The following CD33 variants were observed in gnomAD, a reference collection of about 807,000 sequenced individuals.
The protein encoded by CD33 is CD33 molecule, also known as myeloid cell surface antigen CD33.
CD33 carries 25 observed loss-of-function variants against 31.4 expected under a neutral mutation model. The ratio of observed to expected loss-of-function variants is 0.80; its 90% CI spans 0.58 to 1.11. The LOEUF is 1.11. Ranked by LOEUF, CD33 falls within the 50% of genes most tolerant of loss-of-function variation. CD33 has a pLI of 0.00. For synonymous variants in CD33, 176 were observed against 180.6 expected, an observed-to-expected ratio of 0.97 and a Z score of 0.20; for missense variants, 407 against 448.1, an observed-to-expected ratio of 0.91 and a Z score of 0.83.
chr19:51,220,081 G>A (rs569524889), upstream of CD33, among the ~76,000 whole-genome samples: 43 of 152,224 alleles, frequency 2.8e-4, no homozygotes, highest in African/African-American at 9.9e-4. Flanking sequence ...AATATTTTGG[G>A]AGAGTTATTC....
chr19:51,213,124 C>A, the CD33 span, among the ~76,000 whole-genome samples: 1 of 152,174 alleles, frequency 6.6e-6, no homozygotes, highest in Non-Finnish European at 1.5e-5. Flanking sequence ...AGTGGGCAAG[C>A]TGACATTCCC....
chr19:51,218,162 C>T, the CD33 span, among the ~76,000 whole-genome samples: 1 of 152,330 alleles, frequency 6.6e-6, no homozygotes, highest in East Asian at 1.9e-4. Flanking sequence ...TAAGCATTTC[C>T]TGTTCTCCAC....
rs141793680 is a variant in CD33, at chr19:51,235,456, G to C, written c.843-139G>C. The C allele has an allele frequency of 2.1e-6, 3 of 1,428,684 alleles. No individual in the cohort carries two copies. The African/African-American group carries it at 4.3e-5, about 21-fold the overall frequency. The allele number at this position is 1,428,684 out of a possible 1,614,324, so 88.5% of individuals were successfully genotyped here. ...GTCCAAGGAGTGGGAGGTAGAGGGA[G>C]ACCTTGTGACTAAGTCTTGTTTGAG... On this transcript the variant is annotated intron_variant, in intron 5 of 6. Transcript: ENST00000262262.
chr19:51,216,027 G>C, the CD33 span, among the ~76,000 whole-genome samples: 17 of 152,206 alleles, frequency 1.1e-4, no homozygotes, highest in African/African-American at 4.1e-4. Flanking sequence ...GGCCTTGCAC[G>C]TTCTATCCTC....
Position 51,239,515 on chromosome 19 carries a change from A to T in CD33, c.925-3A>T. 1 of 1,595,436 alleles carries T rather than the reference A, an allele frequency of 6.3e-7. No homozygotes were observed. On this transcript the variant is annotated splice_polypyrimidine_tract_variant and splice_region_variant and intron_variant, in intron 6 of 6. Transcript: ENST00000262262. ...TCTAACCCCCTTCTTTCCTCTCCAT[A>T]AGAAACACCAGAAGAAGTCCAAGTT... is the stretch of plus-strand genomic sequence containing the variant.
intron 4 of CD33, among the ~76,000 whole-genome samples, chr19:51,234,038 T>C (rs1229518325): frequency 2.8e-5 from 4 of 144,246 alleles, no homozygotes. Flanking sequence ...AATGGGGGCA[T>C]TTTTTTTTAA....
At chr19:51,237,905 A>G (rs1599780383) in intron 6 of CD33, 2 of 152,394 alleles carry the variant, frequency 1.3e-5, no homozygotes, top group Middle Eastern at 6.8e-3. Flanking sequence ...ACTCAGACTT[A>G]GTCCCAAGTA....
intron 6 of CD33, chr19:51,238,550 G>A (rs754371211): frequency 6.6e-6 from 1 of 152,466 alleles, no homozygotes; most frequent in African/African-American, 2.4e-5. Context: ...TGGTGGCCAA[G>A]GGAAGATGGG....
At chr19:51,211,354 C>T in the CD33 span, 8 of 1,552,524 alleles carry the variant, frequency 5.2e-6, no homozygotes, top group East Asian at 2.2e-5. Flanking sequence ...TTACTGGTTC[C>T]GGGAAGGAGC....
the CD33 span, among the ~76,000 whole-genome samples, chr19:51,217,931 A>G: frequency 2.6e-5 from 4 of 152,238 alleles, no homozygotes; most frequent in South Asian, 2.1e-4. Context: ...TCTTTATCCA[A>G]TCATCCATGG....
chr19:51,235,630 C>G lies in CD33; in HGVS notation c.878C>G (p.Ala293Gly), dbSNP rs754882490. Reference sequence around the variant, plus strand: ...CACAGGAGGAAAGCAGCCAGGACAGCAGTGGGCAGGAATGACACCCACCCT... The same window carrying G: ...CACAGGAGGAAAGCAGCCAGGACAGGAGTGGGCAGGAATGACACCCACCCT... ...KTHRRKAART[A>G]VGRNDTHPTT... Residue 293 changes from alanine (A) to glycine (G), a missense_variant, in exon 6 of 7, where the codon GCA becomes GGA. By Grantham distance (60) the Ala-to-Gly change is moderately conservative. Transcript: ENST00000262262. 3 of 1,613,890 alleles carry G rather than the reference C, an allele frequency of 1.9e-6. No homozygotes were observed. Among genetic ancestry groups the G allele is most frequent in the African/African-American group, 2.7e-5 (2 of 74,900 alleles).
chr19:51,226,470 C>CG (rs1568432610), intron 4 of CD33, 114 bp downstream of exon 4: 4 of 876,662 alleles, frequency 4.6e-6, no homozygotes, highest in Middle Eastern at 4.6e-4. Flanking sequence ...CAGTTAGACA[C>CG]GGGTAGACAT....
Position 51,225,590 on chromosome 19 carries a change from A to G in CD33, c.410A>G (p.His137Arg), listed in dbSNP as rs61736473. ...TACAAATCTCCCCAGCTCTCTGTGC[A>G]TGTGACAGGTGAGGCACAGGCTTCA... is the stretch of plus-strand genomic sequence containing the variant. ...YSYKSPQLSV[H>R]VTDLTHRPKI... The change falls in exon 2 of 7, where the codon CAT becomes CGT. Residue 137 changes from histidine (H) to arginine (R), a missense_variant. His to Arg is a conservative substitution (Grantham distance 29). Transcript: ENST00000262262. 2,676 of 1,555,428 alleles carry G rather than the reference A, an allele frequency of 1.7e-3. 36 individuals are homozygous for G. The African/African-American group carries it at 0.032, about 18-fold the overall frequency.
intron 4 of CD33, among the ~76,000 whole-genome samples, chr19:51,229,226 C>T (rs1015324753): frequency 6.6e-6 from 1 of 152,084 alleles, no homozygotes; most frequent in African/African-American, 2.4e-5. Flanking sequence ...TCATTCTTGC[C>T]TTTCTGGGAT....
intron 6 of CD33, chr19:51,235,927 G>A (rs1455973842): frequency 1.4e-6 from 1 of 699,906 alleles, no homozygotes; most frequent in Non-Finnish European, 2.6e-6. Context: ...TGGAGGCCAA[G>A]GCGGGCGGAT....
the CD33 span, among the ~76,000 whole-genome samples, chr19:51,218,113 G>A: frequency 2.0e-4 from 31 of 152,322 alleles, no homozygotes; most frequent in East Asian, 1.4e-3. Flanking sequence ...TCTGTTTTCC[G>A]TAGAGGCTGT....
In CD33 at chr19:51,225,298, C is replaced by T; in HGVS notation, c.118C>T (p.Pro40Ser). 6.2e-7 allele frequency: 1 copy of T among 1,614,180 alleles called. No individual in the cohort carries two copies. The highest frequency in any genetic ancestry group is 1.6e-4 in the Middle Eastern group (1 of 6,062). ...TVQEGLCVLV[P>S]CTFFHPIPYY... ...ACAGGAGGGTTTGTGCGTCCTCGTG[C>T]CCTGCACTTTCTTCCATCCCATACC... Residue 40 changes from proline (P) to serine (S), a missense_variant, in exon 2 of 7, where the codon CCC becomes TCC. Physicochemically the swap from Pro to Ser is moderately conservative, Grantham distance 74. Coordinates refer to ENST00000262262, the MANE Select transcript of CD33 (RefSeq NM_001772.4).
intron 4 of CD33, among the ~76,000 whole-genome samples, chr19:51,232,503 T>G (rs1204037224): frequency 6.6e-6 from 1 of 152,220 alleles, no homozygotes; most frequent in Non-Finnish European, 1.5e-5. Flanking sequence ...TTCTACACCT[T>G]TTCCATTCTC....
At chr19:51,222,711 C>A (rs1441523519), upstream of CD33, among the ~76,000 whole-genome samples, 1 of 152,056 alleles carries the variant, frequency 6.6e-6, no homozygotes, top group Non-Finnish European at 1.5e-5. Context: ...GGAAGAAAAG[C>A]CCTTGGCATA....
Sources: allele counts gnomAD v4.1 joint callset (sites outside exome capture counted in the v4.1 genomes callset), GRCh38; gene constraint gnomAD v4.1.1; transcripts MANE v1.5; gene names NCBI Gene and HGNC (gene_info 2026-07-23, HGNC 2026-07-21).